Variants in KIAA1549 observed in about 807,000 individuals in gnomAD.
KIAA1549 encodes UPF0606 protein KIAA1549.
In KIAA1549, 70 loss-of-function variants were observed where a neutral mutation model predicts 156.4. The observed-to-expected ratio is 0.45, with a 90% CI of 0.37 to 0.55. The LOEUF (loss-of-function observed/expected upper bound fraction) is 0.55, where lower values mean the gene tolerates loss of function less well. KIAA1549 is among the 20% of genes least tolerant of loss of function. KIAA1549 has a pLI of 0.00. For synonymous variants in KIAA1549, 1,103 were observed against 1,066.4 expected (o/e 1.03, Z -0.67); for missense variants, 2,428 against 2,540.9 (o/e 0.96, Z 0.96).
chr7:138,855,119 G>C (rs1010527942), intron 16 of KIAA1549, among the ~76,000 whole-genome samples: 1 of 152,140 alleles, frequency 6.6e-6, no homozygotes, highest in Non-Finnish European at 1.5e-5. Context: ...GAGGGAGGGG[G>C]AATCAGGAAA....
In KIAA1549 at chr7:138,838,276, C is replaced by T. The variant is rs922521726; in HGVS notation, c.5599-116G>A. 4.2e-5 allele frequency: 46 copies of T among 1,090,964 alleles called. No individual in the cohort carries two copies. In the African/African-American group the frequency reaches 5.6e-4, roughly 13 times the overall value. The allele number at this position is 1,090,964 out of a possible 1,614,324, so 67.6% of individuals were successfully genotyped here. ...GCCCACGTCCATCCACCAACTCAGCCCTCTAACAGGGCCCTGCTGCCTATG... is the reference window on the plus strand; with the variant it reads ...GCCCACGTCCATCCACCAACTCAGCTCTCTAACAGGGCCCTGCTGCCTATG... On this transcript the variant is annotated intron_variant, in intron 19 of 19. Transcript: ENST00000422774.
intron 9 of KIAA1549, among the ~76,000 whole-genome samples, chr7:138,897,892 CAAAA>C (rs59242488): frequency 1.9e-3 from 52 of 27,482 alleles, no homozygotes; most frequent in African/African-American, 5.5e-3. Flanking sequence ...GACCCTTTCT[CAAAA>C]AAAAAAAAAA....
Position 138,838,128 on chromosome 7 carries a change from A to C in KIAA1549, c.5631T>G (p.Ser1877=). ...TCCTTGGCACCTGAAATAGCGGTGA[A>C]GAAGAATACTCTTGATGTCCGAGCA... ...THMLGHQEYS[S]SPLFQVPRTS... The change falls in exon 20 of 20, where the codon TCT becomes TCG. Residue 1877 remains serine, a synonymous_variant. Transcript: ENST00000422774. The C allele has an allele frequency of 6.6e-7, 1 of 1,519,964 alleles. No homozygotes were observed. The highest frequency in any genetic ancestry group is 2.4e-5 in the East Asian group (1 of 41,598). 94.2% of individuals were successfully genotyped at this position (1,519,964 alleles called of 1,614,324 possible). A position where few individuals can be genotyped will look rare whatever the true frequency, so the allele number is the denominator to read the frequency against.
In KIAA1549 at chr7:138,919,499, TG is replaced by T. The variant is rs777321146; in HGVS notation, c.188-62del. 2.6e-6 allele frequency: 4 copies of T among 1,548,702 alleles called. No homozygotes were observed. The East Asian group carries it at 9.1e-5, about 35-fold the overall frequency. On this transcript the variant is annotated intron_variant, in intron 1 of 19. Coordinates refer to ENST00000422774, the MANE Select transcript of KIAA1549 (RefSeq NM_001164665.2). ...ATTGGAAGTCACACAGCTAACGTTT[TG>T]TTTCAGGCATGAGAATTTACTCATT... is the stretch of plus-strand genomic sequence containing the variant.
At chr7:138,911,867 A>G (rs376571200) in intron 3 of KIAA1549, among the ~76,000 whole-genome samples, 2 of 152,270 alleles carry the variant, frequency 1.3e-5, no homozygotes, top group African/African-American at 2.4e-5. Context: ...GCCCCATTTC[A>G]CTGCTGTATC....
chr7:138,917,731 A>T lies in KIAA1549; in HGVS notation c.1895T>A (p.Leu632Gln), dbSNP rs1281541125. 3 of 1,591,392 alleles carry T rather than the reference A, an allele frequency of 1.9e-6. No individual in the cohort carries two copies. Among genetic ancestry groups the T allele is most frequent in the East Asian group, 2.3e-5 (1 of 43,922 alleles). ...CGAAGAGATGGAGCCGCTGAGTTCC[A>T]GCGGGGGTGTTGAGAAAAAGCTGGA... is the stretch of plus-strand genomic sequence containing the variant. The part of the protein sequence containing the change: ...FASSFFSTPP[L>Q]ELSGSISSPS... The change falls in exon 2 of 20, where the codon CTG becomes CAG. Residue 632 changes from leucine (L) to glutamine (Q), a missense_variant. Leu to Gln is a moderately radical substitution (Grantham distance 113). Coordinates refer to ENST00000422774, the MANE Select transcript of KIAA1549 (RefSeq NM_001164665.2).
At position 138,836,637 on chromosome 7, in the gene KIAA1549, T is replaced by C. The variant is rs1809715678; in HGVS notation, c.*1269A>G. ...ACCATTATTTGGAAAGTGGGGGAAATGTTTACATCAGGAGTACATCTTAAG... is the reference window on the plus strand; with the variant it reads ...ACCATTATTTGGAAAGTGGGGGAAACGTTTACATCAGGAGTACATCTTAAG... On this transcript the variant is annotated 3_prime_UTR_variant, in exon 20 of 20. Transcript: ENST00000422774. The C allele has an allele frequency of 4.6e-6, 1 of 219,360 alleles. No individual in the cohort carries two copies. Among genetic ancestry groups the C allele is most frequent in the Non-Finnish European group, 9.1e-6 (1 of 109,354 alleles). 13.6% of individuals were successfully genotyped at this position (219,360 alleles called of 1,614,324 possible).
At position 138,919,079 on chromosome 7, in the gene KIAA1549, G is replaced by A. The variant is rs766673398; in HGVS notation, c.547C>T (p.Pro183Ser). 8.7e-6 allele frequency: 14 copies of A among 1,613,848 alleles called. No homozygotes were observed. The East Asian group carries it at 3.1e-4, about 36-fold the overall frequency. Reference sequence around the variant, plus strand: ...TCTAATGCTTCCCTGGGCAGCCCTGGTGGGCTGACTGTGATATACTGTATT... The same window carrying A: ...TCTAATGCTTCCCTGGGCAGCCCTGATGGGCTGACTGTGATATACTGTATT... ...SPIQYITVSP[P>S]GLPREALEPM... Residue 183 changes from proline (P) to serine (S), a missense_variant, in exon 2 of 20, where the codon CCA becomes TCA. Pro to Ser is a moderately conservative substitution (Grantham distance 74, BLOSUM62 -1). Transcript: ENST00000422774.
At chr7:138,838,274 G>T in intron 19 of KIAA1549, 114 bp from the exon 20 acceptor site, 1 of 1,132,126 alleles carries the variant, frequency 8.8e-7, no homozygotes, top group Non-Finnish European at 1.2e-6. Flanking sequence ...CACCAACTCA[G>T]CCCTCTAACA....
At chr7:138,950,106 G>A (rs980331415) in intron 1 of KIAA1549, among the ~76,000 whole-genome samples, 5 of 152,202 alleles carry the variant, frequency 3.3e-5, no homozygotes, top group African/African-American at 1.2e-4. Flanking sequence ...GGGGATGGTA[G>A]TAACTGGAAG....
At chr7:138,948,848 A>G (rs1813410200) in intron 1 of KIAA1549, among the ~76,000 whole-genome samples, 1 of 151,712 alleles carries the variant, frequency 6.6e-6, no homozygotes, top group East Asian at 1.9e-4. Flanking sequence ...ATGTGCCACC[A>G]TGTGCCACCA....
chr7:138,922,459 G>A (rs1812592104), intron 1 of KIAA1549, among the ~76,000 whole-genome samples: 1 of 151,926 alleles, frequency 6.6e-6, no homozygotes, highest in South Asian at 2.1e-4. Flanking sequence ...CAACTAAATT[G>A]AATCAGATCT....
chr7:138,911,456 T>G, intron 3 of KIAA1549, 133 bp from the exon 4 acceptor site: 1 of 669,480 alleles, frequency 1.5e-6, no homozygotes, highest in East Asian at 2.8e-5. Flanking sequence ...AATCAAAATT[T>G]TATTTTAGTT....
chr7:138,959,237 A>G (rs1813764193), intron 1 of KIAA1549, among the ~76,000 whole-genome samples: 1 of 152,192 alleles, frequency 6.6e-6, no homozygotes, highest in Non-Finnish European at 1.5e-5. Context: ...TCTGCTATAC[A>G]TTAATTCATT....
intron 16 of KIAA1549, among the ~76,000 whole-genome samples, chr7:138,857,383 T>A (rs1810424698): frequency 1.3e-5 from 2 of 152,238 alleles, no homozygotes; most frequent in Admixed American, 6.5e-5. Flanking sequence ...TTTCTTTGGG[T>A]CTATTATAAA....
In KIAA1549 at chr7:138,931,116, T is replaced by A. The variant is rs574792988; in HGVS notation, c.188-11678A>T. ...GTTAGGACACGCACATTTATTAAGT[T>A]TGCCTTTGTATATGGGCAGAGTTTG... On this transcript the variant is annotated intron_variant, in intron 1 of 19. Transcript: ENST00000422774. Among the ~76,000 whole-genome samples the A allele has an allele frequency of 7.9e-4, 121 of 152,270 alleles. 3 individuals are homozygous for A. Among genetic ancestry groups the A allele is most frequent in the African/African-American group, 2.6e-3 (109 of 41,544 alleles).
At chr7:138,938,187 G>T (rs2130517274) in intron 1 of KIAA1549, among the ~76,000 whole-genome samples, 1 of 152,252 alleles carries the variant, frequency 6.6e-6, no homozygotes, top group Non-Finnish European at 1.5e-5. Flanking sequence ...TGAGGAACAA[G>T]CCCTCACCAG....
intron 11 of KIAA1549, among the ~76,000 whole-genome samples, chr7:138,881,166 C>T (rs1206044152): frequency 1.3e-5 from 2 of 152,216 alleles, no homozygotes; most frequent in African/African-American, 4.8e-5. Flanking sequence ...TCATGATCTT[C>T]AACCGTGTGG....
intron 15 of KIAA1549, among the ~76,000 whole-genome samples, chr7:138,865,497 A>G (rs1328601675): frequency 6.6e-6 from 1 of 152,168 alleles, no homozygotes; most frequent in African/African-American, 2.4e-5. Flanking sequence ...TGAGGGAAAA[A>G]AAGATAAACT....
Sources: gnomAD v4.1 joint callset for allele counts (sites outside exome capture counted in the v4.1 genomes callset) on GRCh38, gnomAD v4.1.1 for gene constraint, MANE v1.5 for transcripts, NCBI Gene and HGNC (gene_info 2026-07-23, HGNC 2026-07-21) for gene names.